The following OSBPL1A variants were observed in gnomAD, a reference collection of about 807,000 sequenced individuals.
The protein encoded by OSBPL1A is oxysterol-binding protein-related protein 1.
A neutral mutation model predicts 137.1 loss-of-function variants in OSBPL1A; 80 were observed. The ratio of observed to expected loss-of-function variants is 0.58; its 90% confidence interval spans 0.49 to 0.70. OSBPL1A has a LOEUF of 0.70. Among genes scored for constraint, OSBPL1A ranks in the 30% least tolerant of loss-of-function variants. The pLI, the probability that OSBPL1A is intolerant of heterozygous loss-of-function variation, is 0.00. For missense variants in OSBPL1A, 970 were observed against 1,129.4 expected (o/e 0.86, Z 2.02); for synonymous variants, 365 against 389.7 (o/e 0.94, Z 0.75).
chr18:24,376,897 C>A (rs995254675), intron 2 of OSBPL1A, among the ~76,000 whole-genome samples: 2 of 152,228 alleles, frequency 1.3e-5, no homozygotes, highest in Admixed American at 6.5e-5. Context: ...CAAGCCCACG[C>A]CCACGCCCAC....
At chr18:24,264,644 T>C (rs2089527110) in intron 15 of OSBPL1A, among the ~76,000 whole-genome samples, 1 of 152,234 alleles carries the variant, frequency 6.6e-6, no homozygotes. Flanking sequence ...AGGTATTCTG[T>C]GCAAAATCAG....
In OSBPL1A at chr18:24,167,426, A is replaced by G. The variant is rs2145904657; in HGVS notation, c.2438T>C (p.Leu813Ser). ...NSKQMSTSEE[L>S]DEMPVPDSES... ...AGAATCCGGCACTGGCATTTCATCC[A>G]ACTCCTCAGAGGTGCTCATCTAGAA... Residue 813 changes from leucine (L) to serine (S), a missense_variant, in exon 25 of 28, where the codon TTG becomes TCG. Transcript: ENST00000319481. 6.2e-7 allele frequency: 1 copy of G among 1,614,214 alleles called. No homozygotes were observed. The highest frequency in any genetic ancestry group is 1.3e-5 in the African/African-American group (1 of 75,074).
intron 16 of OSBPL1A, among the ~76,000 whole-genome samples, chr18:24,229,112 G>C (rs2088186473): frequency 6.6e-6 from 1 of 152,176 alleles, no homozygotes; most frequent in Non-Finnish European, 1.5e-5. Context: ...GAGGCAGGAA[G>C]AACTGCTTGA....
intron 17 of OSBPL1A, among the ~76,000 whole-genome samples, chr18:24,220,191 G>T (rs970341617): frequency 3.9e-5 from 6 of 152,226 alleles, no homozygotes; most frequent in Non-Finnish European, 8.8e-5. Context: ...CCAACAGTCC[G>T]CCTACACCAC....
At chr18:24,303,341 G>A (rs1027973191) in intron 14 of OSBPL1A, among the ~76,000 whole-genome samples, 1 of 152,104 alleles carries the variant, frequency 6.6e-6, no homozygotes, top group Non-Finnish European at 1.5e-5. Flanking sequence ...CAAGTCTTCT[G>A]GGATTCATAA....
At chr18:24,180,069 C>CTT (rs1218624831) in intron 19 of OSBPL1A, among the ~76,000 whole-genome samples, 1 of 152,206 alleles carries the variant, frequency 6.6e-6, no homozygotes, top group East Asian at 1.9e-4. Context: ...TCATCACACT[C>CTT]TAACAGTGCT....
At position 24,197,829 on chromosome 18, in the gene OSBPL1A, C is replaced by T. The variant is rs141265196; in HGVS notation, c.1602-1629G>A. On this transcript the variant is annotated intron_variant, in intron 17 of 27. Transcript: ENST00000319481. ...TGAGATGGACTTTCGTTCTTGTTGCCGAGGCTGGAGTGCAGTGGTGTGATC... is the reference window on the plus strand; with the variant it reads ...TGAGATGGACTTTCGTTCTTGTTGCTGAGGCTGGAGTGCAGTGGTGTGATC... Among the ~76,000 whole-genome samples, 972 of 146,832 alleles carry T rather than the reference C, an allele frequency of 6.6e-3. 11 individuals carry two copies. The highest frequency in any genetic ancestry group is 0.024 in the African/African-American group (942 of 39,492).
intron 17 of OSBPL1A, among the ~76,000 whole-genome samples, chr18:24,208,307 A>G (rs1452644381): frequency 1.3e-5 from 2 of 152,234 alleles, no homozygotes; most frequent in Non-Finnish European, 2.9e-5. Flanking sequence ...ATCTTTACAT[A>G]GTTCATCTGG....
rs1907854352 is a variant in OSBPL1A at position 24,397,642 on chromosome 18, G to C, written c.-3+13C>G. The C allele has an allele frequency of 6.6e-6, 1 of 152,252 alleles. No homozygotes were observed. The highest frequency in any genetic ancestry group is 1.5e-5 in the Non-Finnish European group (1 of 68,080). 9.4% of individuals were successfully genotyped at this position (152,252 alleles called of 1,614,324 possible). The stretch of plus-strand genomic sequence containing the variant: ...CCTCGAACTCCAGGCGTGGACAGCC[G>C]CGAGAAACTGACCTACGCGGTCACC... On this transcript the variant is annotated intron_variant, in intron 1 of 27. Coordinates refer to ENST00000319481, the MANE Select transcript of OSBPL1A (RefSeq NM_080597.4).
rs545194998 is a variant in OSBPL1A at position 24,233,732 on chromosome 18, T to C, written c.1444+5488A>G. 9.2e-5 allele frequency among the ~76,000 whole-genome samples: 14 copies of C among 152,238 alleles called. No homozygotes were observed. In the East Asian group the frequency reaches 2.7e-3, roughly 29 times the overall value. On this transcript the variant is annotated intron_variant, in intron 16 of 27. Coordinates refer to ENST00000319481, the MANE Select transcript of OSBPL1A (RefSeq NM_080597.4). ...GGCGCGATCTCGGCTCACTGCAACCTCCGCCTCCCAGGTTCAAGCTATTCT... is the reference window on the plus strand; with the variant it reads ...GGCGCGATCTCGGCTCACTGCAACCCCCGCCTCCCAGGTTCAAGCTATTCT...
intron 15 of OSBPL1A, among the ~76,000 whole-genome samples, chr18:24,273,016 G>A (rs1216361634): frequency 1.3e-5 from 2 of 151,930 alleles, no homozygotes; most frequent in African/African-American, 2.4e-5. Context: ...AGTGATTCTC[G>A]TGCCCCAGCT....
chr18:24,220,473 A>G (rs1403122879), intron 17 of OSBPL1A, among the ~76,000 whole-genome samples: 1 of 152,150 alleles, frequency 6.6e-6, no homozygotes, highest in African/African-American at 2.4e-5. Context: ...CCGGGAGATA[A>G]AAGGAGAGCA....
chr18:24,288,681 T>G (rs2090116313), intron 14 of OSBPL1A, among the ~76,000 whole-genome samples: 1 of 150,622 alleles, frequency 6.6e-6, no homozygotes, highest in Non-Finnish European at 1.5e-5. Flanking sequence ...GGCAGGAGAA[T>G]CACTTAAACC....
chr18:24,241,530 C>T (rs533526658), intron 15 of OSBPL1A, among the ~76,000 whole-genome samples: 2 of 152,202 alleles, frequency 1.3e-5, no homozygotes, highest in Admixed American at 1.3e-4. Context: ...AAAAAAAGCT[C>T]ATCATCACTG....
chr18:24,390,457 C>A (rs1253738923), intron 1 of OSBPL1A, among the ~76,000 whole-genome samples: 1 of 152,090 alleles, frequency 6.6e-6, no homozygotes, highest in Non-Finnish European at 1.5e-5. Flanking sequence ...CTTTGGGAGG[C>A]CAAGGCAGGC....
At chr18:24,217,623 G>C (rs1488504639) in intron 17 of OSBPL1A, among the ~76,000 whole-genome samples, 3 of 152,140 alleles carry the variant, frequency 2.0e-5, no homozygotes, top group African/African-American at 7.2e-5. Flanking sequence ...AAAGACTACT[G>C]TTTTGCAGCA....
intron 15 of OSBPL1A, among the ~76,000 whole-genome samples, chr18:24,261,067 A>G (rs1231255924): frequency 2.6e-5 from 4 of 152,216 alleles, no homozygotes; most frequent in African/African-American, 9.6e-5. Context: ...TCATTTAGCA[A>G]TAAAAAGGAG....
chr18:24,225,536 TTAAGTA>T (rs1171936895), intron 16 of OSBPL1A, among the ~76,000 whole-genome samples: 2 of 152,244 alleles, frequency 1.3e-5, no homozygotes, highest in African/African-American at 4.8e-5. Context: ...ACAAAGCATC[TTAAGTA>T]TAACTTCCAA....
At chr18:24,288,258 TTGC>T (rs1159243562) in intron 14 of OSBPL1A, among the ~76,000 whole-genome samples, 1 of 152,200 alleles carries the variant, frequency 6.6e-6, no homozygotes, top group Non-Finnish European at 1.5e-5. Context: ...AAGGTCACTG[TTGC>T]TGCACAGAGT....
Sources: allele counts gnomAD v4.1 joint callset (sites outside exome capture counted in the v4.1 genomes callset), GRCh38; gene constraint gnomAD v4.1.1; transcripts MANE v1.5; gene names NCBI Gene and HGNC (gene_info 2026-07-23, HGNC 2026-07-21).